Variants in LRRK1 observed in about 807,000 individuals in gnomAD.
LRRK1 encodes the protein leucine rich repeat kinase 1, also known as leucine-rich repeat serine/threonine-protein kinase 1.
Under a neutral mutation model 209.1 loss-of-function variants are expected in LRRK1, and 113 were observed. The ratio of observed to expected loss-of-function variants is 0.54; its 90% CI spans 0.46 to 0.63. LRRK1 has a LOEUF of 0.63. Ranked by LOEUF, LRRK1 falls within the 30% of genes least tolerant of loss-of-function variation. LRRK1 has a pLI of 0.00. For missense variants in LRRK1, 2,284 were observed against 2,632.2 expected, an observed-to-expected ratio of 0.87 and a Z score of 2.89; for synonymous variants, 1,144 against 1,099.7, an observed-to-expected ratio of 1.04 and a Z score of -0.80.
chr15:100,983,848 G>A (rs1266139955), intron 4 of LRRK1, 149 bp downstream of exon 4: 2 of 828,024 alleles, frequency 2.4e-6, no homozygotes, highest in East Asian at 2.4e-5. Context: ...AGTGAAGCTT[G>A]CCTGCCAGCC....
At chr15:101,017,466 C>G (rs1368805604) in intron 12 of LRRK1, among the ~76,000 whole-genome samples, 1 of 152,154 alleles carries the variant, frequency 6.6e-6, no homozygotes, top group Non-Finnish European at 1.5e-5. Flanking sequence ...AGGAAGCGAA[C>G]CGGTATTGGT....
At chr15:100,961,730 G>T (rs562399082) in intron 2 of LRRK1, among the ~76,000 whole-genome samples, 1 of 152,032 alleles carries the variant, frequency 6.6e-6, no homozygotes, top group Admixed American at 6.6e-5. Flanking sequence ...AGGTGCTGGG[G>T]GTCCAAATCT....
intron 6 of LRRK1, among the ~76,000 whole-genome samples, chr15:100,996,926 A>C (rs1479055499): frequency 6.6e-6 from 1 of 152,230 alleles, no homozygotes; most frequent in Non-Finnish European, 1.5e-5. Flanking sequence ...AAAGAGAATA[A>C]GAGTAAGAAA....
intron 2 of LRRK1, among the ~76,000 whole-genome samples, chr15:100,931,724 G>A (rs183326263): frequency 1.5e-4 from 23 of 152,278 alleles, no homozygotes; most frequent in South Asian, 4.1e-4. Context: ...CCAGTGGGCC[G>A]TCACTCCAGT....
intron 10 of LRRK1, among the ~76,000 whole-genome samples, chr15:101,013,964 C>A (rs2033410796): frequency 6.6e-6 from 1 of 152,176 alleles, no homozygotes; most frequent in Admixed American, 6.5e-5. Context: ...GAGCCGTTGT[C>A]CTCCAAACCA....
chr15:101,007,296 T>C (rs1567227837), intron 6 of LRRK1, among the ~76,000 whole-genome samples: 1 of 152,156 alleles, frequency 6.6e-6, no homozygotes, highest in Non-Finnish European at 1.5e-5. Context: ...CCTCTAATTT[T>C]CCAATACGGA....
In LRRK1 at chr15:101,022,627, G is replaced by A. The variant is rs1273598371; in HGVS notation, c.2067+30G>A. On this transcript the variant is annotated intron_variant, in intron 15 of 33. Coordinates refer to ENST00000388948, the MANE Select transcript of LRRK1 (RefSeq NM_024652.6). The surrounding 1 kb of genome is among the most constrained non-coding windows in gnomAD (Gnocchi z 4.0). Reference sequence around the variant, plus strand: ...AGGATGGTCTGCGTGCAGAGTCCCTGTGGGTGGGAGGAACATCCCTTGGAC... The same window carrying A: ...AGGATGGTCTGCGTGCAGAGTCCCTATGGGTGGGAGGAACATCCCTTGGAC... The A allele has an allele frequency of 2.0e-6, 3 of 1,477,742 alleles. No homozygotes were observed. 91.5% of individuals were successfully genotyped at this position (1,477,742 alleles called of 1,614,324 possible). A position where few individuals can be genotyped will look rare whatever the true frequency, so the allele number is the denominator to read the frequency against.
intron 33 of LRRK1, among the ~76,000 whole-genome samples, chr15:101,068,018 C>T (rs886550384): frequency 6.6e-6 from 1 of 152,134 alleles, no homozygotes; most frequent in Non-Finnish European, 1.5e-5. Flanking sequence ...ACCTCAGTGC[C>T]ACGCAGGCCG....
intron 2 of LRRK1, among the ~76,000 whole-genome samples, chr15:100,934,641 A>T (rs2042264888): frequency 1.3e-5 from 2 of 150,952 alleles, no homozygotes; most frequent in South Asian, 4.2e-4. Context: ...AAAAAAAAAA[A>T]AAAAAAAAAA....
In LRRK1 at chr15:101,010,582, G is replaced by A. The variant is rs776939765; in HGVS notation, c.1117+5G>A. ...AATTGTTCGAAGAAGAAAATGGTAT[G>A]TTTTCTCATCAACTTGAGTGAATTA... On this transcript the variant is annotated splice_donor_5th_base_variant and intron_variant, in intron 8 of 33. Transcript: ENST00000388948. 6.2e-7 allele frequency: 1 copy of A among 1,609,596 alleles called. No individual in the cohort carries two copies. Among genetic ancestry groups the A allele is most frequent in the East Asian group, 2.2e-5 (1 of 44,794 alleles).
Position 100,924,658 on chromosome 15 carries a change from C to A in LRRK1, c.26C>A (p.Pro9His). The change falls in exon 2 of 34, where the codon CCC becomes CAC. Residue 9 changes from proline (P) to histidine (H), a missense_variant. This residue lies in a region of LRRK1 where 174 missense variants were observed against 133.5 expected (regional missense o/e 1.30). Coordinates refer to ENST00000388948, the MANE Select transcript of LRRK1 (RefSeq NM_024652.6). Reference protein sequence around the residue: MAGMSQRPPSMYWCVGPEE... With the variant: MAGMSQRPHSMYWCVGPEE... ...ATGGCTGGCATGTCGCAAAGACCCCCCAGCATGTACTGGTGTGTGGGGCCG... is the reference window on the plus strand; with the variant it reads ...ATGGCTGGCATGTCGCAAAGACCCCACAGCATGTACTGGTGTGTGGGGCCG... The A allele has an allele frequency of 6.2e-7, 1 of 1,614,162 alleles. No individual in the cohort carries two copies. Among genetic ancestry groups the A allele is most frequent in the Non-Finnish European group, 8.5e-7 (1 of 1,180,026 alleles).
intron 20 of LRRK1, among the ~76,000 whole-genome samples, chr15:101,033,778 AC>A (rs1176663984): frequency 6.6e-6 from 1 of 152,130 alleles, no homozygotes; most frequent in Non-Finnish European, 1.5e-5. Flanking sequence ...TTGTATAAAT[AC>A]CCACTAGTGG....
rs78739687 is a variant in LRRK1, at chr15:101,022,462, G to A, written c.1932G>A (p.Val644=). The change falls in exon 15 of 34, where the codon GTG becomes GTA. Residue 644 remains valine (V), a synonymous_variant. Coordinates refer to ENST00000388948, the MANE Select transcript of LRRK1 (RefSeq NM_024652.6). This position sits in a 1 kb window ranked among gnomAD's most constrained non-coding sequence, Gnocchi z 4.0. Reference sequence around the variant, plus strand: ...GCAAGCTGATGAAGATGATCATCGTGGGTCCCCCGCGCCAGGGCAAGTCCA... The same window carrying A: ...GCAAGCTGATGAAGATGATCATCGTAGGTCCCCCGCGCCAGGGCAAGTCCA... ...EKCKLMKMII[V]GPPRQGKSTL... 4 of 1,614,206 alleles carry A rather than the reference G, an allele frequency of 2.5e-6. No individual in the cohort carries two copies. Among genetic ancestry groups the A allele is most frequent in the Non-Finnish European group, 3.4e-6 (4 of 1,180,036 alleles).
intron 29 of LRRK1, among the ~76,000 whole-genome samples, chr15:101,060,865 C>T (rs1035846747): frequency 3.9e-5 from 6 of 152,248 alleles, no homozygotes; most frequent in Admixed American, 2.0e-4. Context: ...GAGCTCCCCG[C>T]ATAACAGGGG....
Position 101,003,076 on chromosome 15 carries a change from C to A in LRRK1, c.763-5761C>A, listed in dbSNP as rs1201353079. ...GTGCATTTTTTCTAGTTTCTCTCTGCCACTTTGTGGACACCTGGGCACCCT... is the reference window on the plus strand; with the variant it reads ...GTGCATTTTTTCTAGTTTCTCTCTGACACTTTGTGGACACCTGGGCACCCT... On this transcript the variant is annotated intron_variant, in intron 6 of 33. Transcript: ENST00000388948. 3.3e-5 allele frequency among the ~76,000 whole-genome samples: 5 copies of A among 152,318 alleles called. 1 individual carries two copies. The highest frequency in any genetic ancestry group is 3.3e-4 in the Admixed American group (5 of 15,296).
In LRRK1 at chr15:100,954,173, C is replaced by G. The variant is rs576147207; in HGVS notation, c.98-19631C>G. Among the ~76,000 whole-genome samples, 5 of 152,278 alleles carry G rather than the reference C, an allele frequency of 3.3e-5. No homozygotes were observed. In the South Asian group the frequency reaches 1.0e-3, roughly 32 times the overall value. On this transcript the variant is annotated intron_variant, in intron 2 of 33. Transcript: ENST00000388948. ...TCGTGATCTGCCCGCCTCGGCCTCC[C>G]AAAGTGCTGGGATTACAGGTGTGAG...
chr15:100,988,634 G>A lies in LRRK1; in HGVS notation c.434G>A (p.Gly145Asp). ...VVQELLESLP[G>D]PCSPQRLLNW... ...CCTTTGTCCTGCCATCTCCTGCCAG[G>A]TCCCTGCAGTCCCCAGCGGCTTCTG... is the stretch of plus-strand genomic sequence containing the variant. The change falls in exon 5 of 34, where the codon GGT (glycine) becomes GAT (aspartate). Residue 145 changes from glycine to aspartate, a missense_variant and splice_region_variant. Gly to Asp is a moderately conservative substitution (Grantham distance 94, BLOSUM62 -1). Coordinates refer to ENST00000388948, the MANE Select transcript of LRRK1 (RefSeq NM_024652.6). 6.2e-7 allele frequency: 1 copy of A among 1,614,082 alleles called. No homozygotes were observed. Among genetic ancestry groups the A allele is most frequent in the South Asian group, 1.1e-5 (1 of 91,086 alleles).
chr15:100,956,455 C>CTTTTTCTTTTTTTTTCTTTTTTTTTTTTT, intron 2 of LRRK1, among the ~76,000 whole-genome samples: 1 of 60,534 alleles, frequency 1.7e-5, no homozygotes, highest in African/African-American at 8.5e-5. Flanking sequence ...TTTTTTTTTT[C>CTTTTTCTTTTTTTTTCTTTTTTTTTTTTT]TTTTTTTTTT....
intron 29 of LRRK1, among the ~76,000 whole-genome samples, chr15:101,060,265 G>A (rs533436064): frequency 5.3e-5 from 8 of 152,232 alleles, no homozygotes; most frequent in Non-Finnish European, 8.8e-5. Flanking sequence ...AACAGGATAC[G>A]CCTAGGACAC....
Sources: allele counts gnomAD v4.1 joint callset (sites outside exome capture counted in the v4.1 genomes callset), GRCh38; gene constraint gnomAD v4.1.1; regional missense constraint gnomAD v4.1.1; non-coding constraint Gnocchi (gnomAD v3.1); transcripts MANE v1.5; gene names NCBI Gene and HGNC (gene_info 2026-07-23, HGNC 2026-07-21).